MAP3K12: variants seen among roughly 807,000 people sequenced by gnomAD.
MAP3K12 encodes the protein MAPK-upstream kinase.
A neutral mutation model predicts 87.5 loss-of-function variants in MAP3K12; 14 were observed. The observed-to-expected ratio is 0.16, with a 90% CI of 0.11 to 0.25. MAP3K12 has a LOEUF of 0.25. Among genes scored for constraint, MAP3K12 ranks in the 10% least tolerant of loss-of-function variants. The pLI, the probability that MAP3K12 is intolerant of heterozygous loss-of-function variation, is 1.00. For synonymous variants in MAP3K12, 469 were observed against 452.5 expected (o/e 1.04, Z -0.46); for missense variants, 802 against 1,140.4 (o/e 0.70, Z 4.27).
chr12:53,484,939 T>C, intron 6 of MAP3K12, 117 bp downstream of exon 6: 9 of 1,338,522 alleles, frequency 6.7e-6, no homozygotes, highest in Non-Finnish European at 9.3e-6. Context: ...CTGATTCAGA[T>C]GAAAGTCAGT....
chr12:53,486,383 G>C lies in MAP3K12; in HGVS notation c.629+56C>G. ...ATGGGGTAGGTCCCACTGCCCAGGA[G>C]GGTACCAGGCCTTAGCATAGTATCC... On this transcript the variant is annotated intron_variant, in intron 3 of 13. Coordinates refer to ENST00000547488, the MANE Select transcript of MAP3K12 (RefSeq NM_001193511.2). The surrounding 1 kb of genome is among the most constrained non-coding windows in gnomAD (Gnocchi z 4.9). 1 of 1,594,576 alleles carries C rather than the reference G, an allele frequency of 6.3e-7. No individual in the cohort carries two copies. The highest frequency in any genetic ancestry group is 1.1e-5 in the South Asian group (1 of 88,004).
Position 53,482,558 on chromosome 12 carries a change from A to G in MAP3K12, c.2238+7T>C. 1.2e-6 allele frequency: 2 copies of G among 1,601,658 alleles called. No individual in the cohort carries two copies. The highest frequency in any genetic ancestry group is 8.5e-7 in the Non-Finnish European group (1 of 1,173,906). On this transcript the variant is annotated splice_region_variant and intron_variant, in intron 11 of 13. Coordinates refer to ENST00000547488, the MANE Select transcript of MAP3K12 (RefSeq NM_001193511.2). The stretch of plus-strand genomic sequence containing the variant: ...GGAAAGAGCTTGGGAGCCTTCCCAT[A>G]CTTTACCTGACTTCGGGTGACGGCA...
At chr12:53,492,263 T>A (rs1943434188) in intron 1 of MAP3K12, among the ~76,000 whole-genome samples, 1 of 152,178 alleles carries the variant, frequency 6.6e-6, no homozygotes, top group South Asian at 2.1e-4. Context: ...GTTCCCATTA[T>A]ACTGGACGGA....
Position 53,492,088 on chromosome 12 carries a change from AAAAG to A in MAP3K12, c.-37-4664_-37-4661del, listed in dbSNP as rs1333732660. The stretch of plus-strand genomic sequence containing the variant: ...AGACTCTGTTTCAAAAAAAAAAAAA[AAAAG>A]AAGAAGAAGAAAAAGAAGCTCAAGC... On this transcript the variant is annotated intron_variant, in intron 1 of 13. Coordinates refer to ENST00000547488, the MANE Select transcript of MAP3K12 (RefSeq NM_001193511.2). Among the ~76,000 whole-genome samples, 1,445 of 151,430 alleles carry A rather than the reference AAAAG, an allele frequency of 9.5e-3. 12 individuals are homozygous for A. Among genetic ancestry groups the A allele is most frequent in the African/African-American group, 0.033 (1,354 of 41,168 alleles).
chr12:53,481,918 C>T (rs768223108), intron 13 of MAP3K12, 23 bp downstream of exon 13: 1 of 1,605,506 alleles, frequency 6.2e-7, no homozygotes, highest in South Asian at 1.1e-5. Context: ...TCAATATCTG[C>T]TTTTTGCTGT....
chr12:53,483,713 C>T lies in MAP3K12; in HGVS notation c.1369G>A (p.Asp457Asn), dbSNP rs1370272348. The T allele has an allele frequency of 6.2e-7, 1 of 1,613,896 alleles. No individual in the cohort carries two copies. Among genetic ancestry groups the T allele is most frequent in the East Asian group, 2.2e-5 (1 of 44,886 alleles). The change falls in exon 9 of 14, where the codon GAC becomes AAC. Residue 457 changes from aspartate to asparagine, a missense_variant. Asp to Asn is a conservative substitution (Grantham distance 23). This residue lies in a region of MAP3K12 where 99 missense variants were observed against 193.4 expected (regional missense o/e 0.51). Transcript: ENST00000547488. The part of the protein sequence containing the change: ...RRREELRHAL[D>N]IREHYERKLE... Reference sequence around the variant, plus strand: ...TTCCTTTCATAGTGCTCCCTGATGTCCAGGGCGTGTCTGCAACGGGCAGAA... The same window carrying T: ...TTCCTTTCATAGTGCTCCCTGATGTTCAGGGCGTGTCTGCAACGGGCAGAA...
At chr12:53,494,479 A>AC (rs1313613447) in intron 1 of MAP3K12, among the ~76,000 whole-genome samples, 2 of 151,796 alleles carry the variant, frequency 1.3e-5, no homozygotes, top group Admixed American at 6.6e-5. Flanking sequence ...GTAGGAAGTC[A>AC]CCCCCCATCT....
In MAP3K12 at chr12:53,483,401, T is replaced by G. The variant is rs775147174; in HGVS notation, c.1561A>C (p.Lys521Gln). Reference sequence around the variant, plus strand: ...GGCACATTCCTCTTCTTGATAAGCTTCTCCATTGTGTTTCCATGCAGGAGG... The same window carrying G: ...GGCACATTCCTCTTCTTGATAAGCTGCTCCATTGTGTTTCCATGCAGGAGG... ...RGLLHGNTME[K>Q]LIKKRNVPQK... The change falls in exon 10 of 14, where the codon AAG becomes CAG. Residue 521 changes from lysine to glutamine, a missense_variant. Physicochemically the swap from Lys to Gln is moderately conservative, Grantham distance 53. Around this residue, in one of 5 missense-constraint regions of MAP3K12, gnomAD observed 490 missense variants for 496.6 expected, o/e 0.99. Transcript: ENST00000547488. 14 of 1,614,040 alleles carry G rather than the reference T, an allele frequency of 8.7e-6. No homozygotes were observed. Among genetic ancestry groups the G allele is most frequent in the Admixed American group, 1.7e-5 (1 of 59,996 alleles).
At chr12:53,483,877 T>C (rs375276001) in intron 8 of MAP3K12, 34 bp downstream of exon 8, 18 of 1,612,030 alleles carry the variant, frequency 1.1e-5, no homozygotes, top group Middle Eastern at 1.6e-4. Context: ...TCCTTGCTGT[T>C]AGTAAAATCA....
Position 53,486,302 on chromosome 12 carries a change from C to A in MAP3K12, c.630-55G>T. Reference sequence around the variant, plus strand: ...CAGCTGGCTCAGCATTCACCTGATTCATACCTGGAACCCCCATTCCCACCC... The same window carrying A: ...CAGCTGGCTCAGCATTCACCTGATTAATACCTGGAACCCCCATTCCCACCC... On this transcript the variant is annotated intron_variant, in intron 3 of 13. Transcript: ENST00000547488. This position sits in a 1 kb window ranked among gnomAD's most constrained non-coding sequence, Gnocchi z 4.9. The A allele has an allele frequency of 6.4e-7, 1 of 1,556,828 alleles. No homozygotes were observed. Among genetic ancestry groups the A allele is most frequent in the Non-Finnish European group, 8.7e-7 (1 of 1,148,598 alleles).
At chr12:53,490,698 A>C (rs567203891) in intron 1 of MAP3K12, among the ~76,000 whole-genome samples, 25 of 151,540 alleles carry the variant, frequency 1.6e-4, no homozygotes, top group African/African-American at 5.8e-4. Context: ...GTGAGCCGAG[A>C]TCGCACCACT....
At chr12:53,488,621 A>G (rs1038380660) in intron 1 of MAP3K12, among the ~76,000 whole-genome samples, 1 of 152,052 alleles carries the variant, frequency 6.6e-6, no homozygotes, top group African/African-American at 2.4e-5. Flanking sequence ...AGATCATGCC[A>G]CTGCACTCCA....
In MAP3K12 at chr12:53,486,866, T is replaced by C; in HGVS notation, c.445+81A>G. ...TGGGCCATGGGGAGGGAAGGGACCA[T>C]TGCGTGACTTTAGCGGAGCTGACCA... On this transcript the variant is annotated intron_variant, in intron 2 of 13. Transcript: ENST00000547488. This position sits in a 1 kb window ranked among gnomAD's most constrained non-coding sequence, Gnocchi z 4.9. The C allele has an allele frequency of 1.9e-6, 3 of 1,574,864 alleles. No homozygotes were observed. In the Admixed American group the frequency reaches 5.2e-5, roughly 27 times the overall value.
chr12:53,483,310 C>T, intron 10 of MAP3K12, 39 bp downstream of exon 10: 1 of 1,605,342 alleles, frequency 6.2e-7, no homozygotes, highest in Non-Finnish European at 8.5e-7. Flanking sequence ...ACTTCAGTAT[C>T]CCTCTTGCCA....
rs1943064254 is a variant in MAP3K12 at position 53,481,918 on chromosome 12, C to CT, written c.2580+22dup. 6 of 1,605,506 alleles carry CT rather than the reference C, an allele frequency of 3.7e-6. No homozygotes were observed. The East Asian group carries it at 1.3e-4, about 36-fold the overall frequency. On this transcript the variant is annotated intron_variant, in intron 13 of 13. Transcript: ENST00000547488. The stretch of plus-strand genomic sequence containing the variant: ...TACAGCTCTCCCTGTTCAATATCTG[C>CT]TTTTTGCTGTTGTGCCACTCACCCG...
In MAP3K12 at chr12:53,481,107, G is replaced by T; in HGVS notation, c.*75C>A. The T allele has an allele frequency of 3.3e-6, 2 of 603,894 alleles. No homozygotes were observed. Among genetic ancestry groups the T allele is most frequent in the Non-Finnish European group, 4.5e-6 (2 of 447,384 alleles). The allele number at this position is 603,894 out of a possible 1,614,324, so 37.4% of individuals were successfully genotyped here. A position where few individuals can be genotyped will look rare whatever the true frequency, so the allele number is the denominator to read the frequency against. On this transcript the variant is annotated 3_prime_UTR_variant, in exon 14 of 14. Coordinates refer to ENST00000547488, the MANE Select transcript of MAP3K12 (RefSeq NM_001193511.2). ...CCCATCTTTCTGTTGATTATGTGGC[G>T]CATATATATATATATATGTATATAT...
At chr12:53,485,677 T>G (rs1943209217) in intron 4 of MAP3K12, 2 of 603,676 alleles carry the variant, frequency 3.3e-6, no homozygotes, top group African/African-American at 3.7e-5. Flanking sequence ...TGCCTCAGCC[T>G]CCTGAGTAGC....
Position 53,483,043 on chromosome 12 carries a change from C to A in MAP3K12, c.1760G>T (p.Gly587Val). 1 of 1,553,000 alleles carries A rather than the reference C, an allele frequency of 6.4e-7. No individual in the cohort carries two copies. Among genetic ancestry groups the A allele is most frequent in the South Asian group, 1.2e-5 (1 of 82,706 alleles). ...AAGCCCAGGCAGGTCCCCACAGCTC[C>A]CCTTGGCGCTGGCCTTGCGGTGACG... ...KTRHRKASAKGSCGDLPGLRT... is the reference protein window; with the variant it reads ...KTRHRKASAKVSCGDLPGLRT... The change falls in exon 11 of 14, where the codon GGG (glycine) becomes GTG (valine). Residue 587 changes from glycine (G) to valine (V), a missense_variant. Physicochemically the swap from Gly to Val is moderately radical, Grantham distance 109. Coordinates refer to ENST00000547488, the MANE Select transcript of MAP3K12 (RefSeq NM_001193511.2).
chr12:53,489,513 CA>C (rs1307655412), intron 1 of MAP3K12, among the ~76,000 whole-genome samples: 2 of 152,194 alleles, frequency 1.3e-5, no homozygotes, highest in Non-Finnish European at 2.9e-5. Context: ...GCTGGTCTCC[CA>C]ACTCACTCCA....
Sources: allele counts gnomAD v4.1 joint callset (sites outside exome capture counted in the v4.1 genomes callset), GRCh38; gene constraint gnomAD v4.1.1; regional missense constraint gnomAD v4.1.1; non-coding constraint Gnocchi (gnomAD v3.1); transcripts MANE v1.5; gene names NCBI Gene and HGNC (gene_info 2026-07-23, HGNC 2026-07-21).